The following CD247 variants were observed in gnomAD, a reference collection of about 807,000 sequenced individuals.
CD247 encodes CD247 molecule.
CD247 carries 13 observed loss-of-function variants against 30.0 expected under a neutral mutation model. The ratio of observed to expected loss-of-function variants is 0.43; its 90% CI spans 0.28 to 0.69. The LOEUF (loss-of-function observed/expected upper bound fraction) is 0.69, where lower values mean the gene tolerates loss of function less well. Among genes scored for constraint, CD247 ranks in the 30% least tolerant of loss-of-function variants. The pLI is 0.16. For missense variants in CD247, 193 were observed against 212.6 expected, an observed-to-expected ratio of 0.91 and a Z score of 0.57; for synonymous variants, 72 against 80.0, an observed-to-expected ratio of 0.90 and a Z score of 0.53.
chr1:167,507,975 A>C (rs1655217731), intron 1 of CD247, among the ~76,000 whole-genome samples: 1 of 152,250 alleles, frequency 6.6e-6, no homozygotes, highest in Non-Finnish European at 1.5e-5. Flanking sequence ...GGTCAGCTTC[A>C]AGTCTGAGAC....
chr1:167,474,897 C>T (rs900297538), intron 1 of CD247, among the ~76,000 whole-genome samples: 1 of 151,352 alleles, frequency 6.6e-6, no homozygotes, highest in Non-Finnish European at 1.5e-5. Flanking sequence ...GGATTACAGG[C>T]GCCCACCACC....
intron 4 of CD247, among the ~76,000 whole-genome samples, chr1:167,436,186 A>T (rs1045688898): frequency 6.6e-6 from 1 of 152,254 alleles, no homozygotes; most frequent in South Asian, 2.1e-4. Flanking sequence ...AACATGATAC[A>T]CCACATTAAC....
intron 1 of CD247, among the ~76,000 whole-genome samples, chr1:167,505,491 T>G (rs146961198): frequency 1.0e-4 from 16 of 152,386 alleles, no homozygotes; most frequent in African/African-American, 3.8e-4. Context: ...GCTTCGTTTC[T>G]GAAAGGATTC....
chr1:167,467,081 G>A (rs373874773), intron 1 of CD247, among the ~76,000 whole-genome samples: 6 of 152,030 alleles, frequency 3.9e-5, no homozygotes, highest in African/African-American at 1.4e-4. Context: ...CTCGTGATCC[G>A]CCCGCCTTGG....
intron 1 of CD247, among the ~76,000 whole-genome samples, chr1:167,508,984 G>T (rs1340450081): frequency 6.6e-6 from 1 of 152,156 alleles, no homozygotes; most frequent in Non-Finnish European, 1.5e-5. Flanking sequence ...AGGACTGTTG[G>T]TTTGATTTGG....
Position 167,494,019 on chromosome 1 carries a change from C to T in CD247, c.58+24389G>A, listed in dbSNP as rs898021786. Among the ~76,000 whole-genome samples, 4 of 152,044 alleles carry T rather than the reference C, an allele frequency of 2.6e-5. No homozygotes were observed. Among genetic ancestry groups the T allele is most frequent in the African/African-American group, 9.7e-5 (4 of 41,354 alleles). On this transcript the variant is annotated intron_variant, in intron 1 of 7. Coordinates refer to ENST00000362089, the MANE Select transcript of CD247 (RefSeq NM_198053.3). The surrounding 1 kb of genome is among the most constrained non-coding windows in gnomAD (Gnocchi z 7.3). The stretch of plus-strand genomic sequence containing the variant: ...AGCCTCCGGGACCCAGGACTTTCTT[C>T]TCAGGGCTCTGCTGAGTTGGGTGGG...
intron 1 of CD247, among the ~76,000 whole-genome samples, chr1:167,453,882 T>C (rs1652495979): frequency 6.6e-6 from 1 of 152,170 alleles, no homozygotes; most frequent in South Asian, 2.1e-4. Flanking sequence ...GAGGATCACC[T>C]GAGCCCAAGA....
rs372011529 is a variant in CD247 at position 167,496,283 on chromosome 1, A to T, written c.58+22125T>A. Among the ~76,000 whole-genome samples, 4 of 152,292 alleles carry T rather than the reference A, an allele frequency of 2.6e-5. No individual in the cohort carries two copies. In the East Asian group the frequency reaches 5.8e-4, roughly 22 times the overall value. The stretch of plus-strand genomic sequence containing the variant: ...AGTGTTCCCAGAAGTCTGGATTTCC[A>T]TTCATCAAAGAAGCTATCGAGTGTG... On this transcript the variant is annotated intron_variant, in intron 1 of 7. Transcript: ENST00000362089.
At chr1:167,506,599 C>T (rs1655145662) in intron 1 of CD247, among the ~76,000 whole-genome samples, 1 of 151,976 alleles carries the variant, frequency 6.6e-6, no homozygotes, top group Admixed American at 6.6e-5. Flanking sequence ...GCTGTCTACT[C>T]TTCTTATCAC....
intron 1 of CD247, among the ~76,000 whole-genome samples, chr1:167,482,188 C>T (rs1571569245): frequency 6.6e-6 from 1 of 152,214 alleles, no homozygotes; most frequent in South Asian, 2.1e-4. Context: ...CCCAACACCA[C>T]CCGACTGGAG....
chr1:167,492,171 A>G (rs371191449), intron 1 of CD247, among the ~76,000 whole-genome samples: 1 of 152,216 alleles, frequency 6.6e-6, no homozygotes, highest in Non-Finnish European at 1.5e-5. Context: ...ACAAACAAAA[A>G]ACCTGGAGGA....
intron 1 of CD247, among the ~76,000 whole-genome samples, chr1:167,450,037 T>G: frequency 6.6e-6 from 1 of 152,256 alleles, no homozygotes; most frequent in East Asian, 1.9e-4. Context: ...ATTTTACTAT[T>G]AATAAATATC....
intron 1 of CD247, among the ~76,000 whole-genome samples, chr1:167,472,870 C>T (rs61810481): frequency 0.1 from 15,691 of 152,112 alleles, 1,213 homozygotes; most frequent in Admixed American, 0.24. Flanking sequence ...CTAGTGACCC[C>T]CATGGCCTAG....
intron 2 of CD247, chr1:167,440,191 TCTG>T (rs1205327997): frequency 4.7e-6 from 1 of 214,696 alleles, no homozygotes; most frequent in East Asian, 1.1e-4. Context: ...TCTTCCAATC[TCTG>T]CCCACACCAT....
At chr1:167,483,017 T>TTCTTTCTTTCTTTCTTTCTTTC (rs761279615) in intron 1 of CD247, among the ~76,000 whole-genome samples, 36 of 133,404 alleles carry the variant, frequency 2.7e-4, no homozygotes, top group East Asian at 1.2e-3. Context: ...TCTTTCTTTT[T>TTCTTTCTTTCTTTCTTTCTTTC]TTTTTTTTGA....
At chr1:167,478,438 A>C (rs1412926585) in intron 1 of CD247, among the ~76,000 whole-genome samples, 1 of 152,186 alleles carries the variant, frequency 6.6e-6, no homozygotes, top group Non-Finnish European at 1.5e-5. Context: ...TCCTATTTGA[A>C]AGGCTGTCTC....
rs1219420692 is a variant in CD247 at position 167,506,245 on chromosome 1, CCTTTT to C, written c.58+12158_58+12162del. Among the ~76,000 whole-genome samples the C allele has an allele frequency of 1.5e-3, 40 of 26,154 alleles. 1 individual carries two copies. The highest frequency in any genetic ancestry group is 3.8e-3 in the South Asian group (4 of 1,050). 17.2% of individuals were successfully genotyped at this position (26,154 alleles called of 152,430 possible). ...TTTTTCTTTTCTTTTCTTTTCTTTT[CCTTTT>C]CTTTTCTTTTCTTTTCTTTTCCTTT... On this transcript the variant is annotated intron_variant, in intron 1 of 7. Transcript: ENST00000362089.
At chr1:167,444,389 A>T (rs1287962989) in intron 1 of CD247, among the ~76,000 whole-genome samples, 2 of 152,032 alleles carry the variant, frequency 1.3e-5, no homozygotes, top group Non-Finnish European at 2.9e-5. Context: ...TACCAATTCC[A>T]TCCCAAAGGG....
At chr1:167,432,632 A>G (rs1227988897) in intron 7 of CD247, among the ~76,000 whole-genome samples, 1 of 152,224 alleles carries the variant, frequency 6.6e-6, no homozygotes, top group African/African-American at 2.4e-5. Context: ...CAGTCTTCCC[A>G]GCCAACCTCT....
Sources: gnomAD v4.1 joint callset for allele counts (sites outside exome capture counted in the v4.1 genomes callset) on GRCh38, gnomAD v4.1.1 for gene constraint, Gnocchi (gnomAD v3.1) non-coding constraint, MANE v1.5 for transcripts, NCBI Gene and HGNC (gene_info 2026-07-23, HGNC 2026-07-21) for gene names.